The following KCNIP4 variants were observed in gnomAD, a reference collection of about 807,000 sequenced individuals.
The protein encoded by KCNIP4 is Kv channel-interacting protein 4.
In KCNIP4, 12 loss-of-function variants were observed where a neutral mutation model predicts 34.0. That is an observed-to-expected ratio of 0.35 (90% CI 0.23 to 0.57). KCNIP4 has a LOEUF of 0.57. Ranked by LOEUF, KCNIP4 falls within the 20% of genes least tolerant of loss-of-function variation. The probability of loss-of-function intolerance (pLI) is 0.83; values close to 1 mark genes in which losing one functional copy is unlikely to be tolerated. For synonymous variants in KCNIP4, 124 were observed against 102.2 expected (o/e 1.21, Z -1.29); for missense variants, 238 against 311.7 (o/e 0.76, Z 1.78).
At chr4:21,509,127 C>T (rs1416052250) in intron 1 of KCNIP4, among the ~76,000 whole-genome samples, 1 of 152,112 alleles carries the variant, frequency 6.6e-6, no homozygotes, top group Non-Finnish European at 1.5e-5. Context: ...TATCATAATT[C>T]TGACTCATAA....
At chr4:21,430,528 CG>C (rs1189273623) in intron 1 of KCNIP4, among the ~76,000 whole-genome samples, 1 of 151,984 alleles carries the variant, frequency 6.6e-6, no homozygotes, top group Non-Finnish European at 1.5e-5. Flanking sequence ...CAACCTGCCC[CG>C]GCTCAGTTCT....
intron 1 of KCNIP4, among the ~76,000 whole-genome samples, chr4:21,679,329 A>C (rs923402969): frequency 6.6e-6 from 1 of 152,178 alleles, no homozygotes; most frequent in African/African-American, 2.4e-5. Context: ...CTGACTCCCC[A>C]CTACATGAGG....
chr4:20,964,194 C>A (rs1734122842), intron 1 of KCNIP4, among the ~76,000 whole-genome samples: 1 of 152,062 alleles, frequency 6.6e-6, no homozygotes, highest in African/African-American at 2.4e-5. Context: ...CATAGAGAAG[C>A]TTGAGTTTCA....
intron 1 of KCNIP4, among the ~76,000 whole-genome samples, chr4:21,665,330 G>A (rs541280977): frequency 1.8e-4 from 27 of 152,166 alleles, no homozygotes; most frequent in Non-Finnish European, 3.5e-4. Context: ...AACATTTAGA[G>A]GTCGTGGGCA....
chr4:21,410,165 T>C (rs1444411119), intron 1 of KCNIP4, among the ~76,000 whole-genome samples: 1 of 151,992 alleles, frequency 6.6e-6, no homozygotes, highest in Admixed American at 6.6e-5. Flanking sequence ...CCCATGGCTT[T>C]GAATTCAAAA....
At chr4:20,843,049 A>T (rs1285520752) in intron 3 of KCNIP4, among the ~76,000 whole-genome samples, 1 of 151,896 alleles carries the variant, frequency 6.6e-6, no homozygotes, top group Non-Finnish European at 1.5e-5. Context: ...CTGGGATTTC[A>T]GGTGGACACC....
At position 21,928,127 on chromosome 4, in the gene KCNIP4, T is replaced by TATACACACAC. The variant is rs141651426; in HGVS notation, c.61+20443_61+20444insGTGTGTGTAT. ...ATTAGACTATATATATATATATATA[T>TATACACACAC]ACACACACACACACACACACCATAC... On this transcript the variant is annotated intron_variant, in intron 1 of 8. Transcript: ENST00000382152. Among the ~76,000 whole-genome samples, 216 of 143,972 alleles carry TATACACACAC rather than the reference T, an allele frequency of 1.5e-3. 1 individual carries two copies. Among genetic ancestry groups the TATACACACAC allele is most frequent in the Middle Eastern group, 0.014 (4 of 276 alleles). The allele number at this position is 143,972 out of a possible 152,430, so 94.5% of individuals were successfully genotyped here.
chr4:21,665,659 C>G (rs970191522), intron 1 of KCNIP4, among the ~76,000 whole-genome samples: 1 of 152,112 alleles, frequency 6.6e-6, no homozygotes, highest in South Asian at 2.1e-4. Context: ...AGCCAGCTGG[C>G]CTTTCCTACA....
chr4:20,893,300 A>C (rs2149539455), intron 1 of KCNIP4, among the ~76,000 whole-genome samples: 1 of 152,340 alleles, frequency 6.6e-6, no homozygotes, highest in South Asian at 2.1e-4. Flanking sequence ...GAGCACATTA[A>C]AGCTAACATT....
At chr4:21,326,101 A>T (rs1432065478) in intron 1 of KCNIP4, among the ~76,000 whole-genome samples, 1 of 151,822 alleles carries the variant, frequency 6.6e-6, no homozygotes, top group East Asian at 1.9e-4. Flanking sequence ...TAAATATCTA[A>T]GGTTCATTTA....
intron 1 of KCNIP4, among the ~76,000 whole-genome samples, chr4:21,097,125 C>T (rs942781496): frequency 2.0e-5 from 3 of 152,144 alleles, no homozygotes; most frequent in African/African-American, 7.2e-5. Flanking sequence ...AACATACATT[C>T]ACACCAAGAC....
intron 1 of KCNIP4, among the ~76,000 whole-genome samples, chr4:21,771,878 A>G (rs563231573): frequency 6.6e-6 from 1 of 151,504 alleles, no homozygotes; most frequent in South Asian, 2.1e-4. Context: ...AAACAGAAAT[A>G]TTGACCTCTT....
intron 1 of KCNIP4, among the ~76,000 whole-genome samples, chr4:21,070,848 T>C (rs1439777388): frequency 6.6e-6 from 1 of 151,662 alleles, no homozygotes; most frequent in Non-Finnish European, 1.5e-5. Flanking sequence ...GCTAATTTTT[T>C]GTATTTTTAG....
intron 1 of KCNIP4, among the ~76,000 whole-genome samples, chr4:20,943,044 A>G (rs1731805006): frequency 6.6e-6 from 1 of 152,230 alleles, no homozygotes; most frequent in Non-Finnish European, 1.5e-5. Context: ...ATCAAGATCA[A>G]TATGTTTGAT....
intron 2 of KCNIP4, among the ~76,000 whole-genome samples, chr4:20,873,087 T>C (rs1263981208): frequency 6.6e-6 from 1 of 152,176 alleles, no homozygotes; most frequent in Non-Finnish European, 1.5e-5. Flanking sequence ...TTACGCACAA[T>C]TCCACCATGT....
At chr4:21,496,966 T>C (rs28659186) in intron 1 of KCNIP4, among the ~76,000 whole-genome samples, 8,716 of 152,234 alleles carry the variant, frequency 0.057, 622 homozygotes, top group African/African-American at 0.16. Context: ...GACTGCTGGC[T>C]TACAGGATAA....
intron 1 of KCNIP4, among the ~76,000 whole-genome samples, chr4:21,493,012 TTA>T (rs1395254008): frequency 6.6e-6 from 1 of 152,174 alleles, no homozygotes; most frequent in African/African-American, 2.4e-5. Flanking sequence ...GGAGAGGAGC[TTA>T]TGAGAGAAAC....
chr4:21,501,722 G>A (rs1577474285), intron 1 of KCNIP4, among the ~76,000 whole-genome samples: 1 of 151,218 alleles, frequency 6.6e-6, no homozygotes, highest in East Asian at 2.0e-4. Context: ...GTGTGCGTTG[G>A]AAGGGGCAGT....
intron 3 of KCNIP4, among the ~76,000 whole-genome samples, chr4:20,802,514 C>T (rs1714458404): frequency 6.6e-6 from 1 of 152,078 alleles, no homozygotes; most frequent in South Asian, 2.1e-4. Flanking sequence ...ACCAAACAGA[C>T]ATATACAAAA....
Sources: allele counts gnomAD v4.1 joint callset (sites outside exome capture counted in the v4.1 genomes callset), GRCh38; gene constraint gnomAD v4.1.1; transcripts MANE v1.5; gene names NCBI Gene and HGNC (gene_info 2026-07-23, HGNC 2026-07-21).